Variants in TLK1 observed in about 807,000 individuals in gnomAD.
TLK1 encodes tousled like kinase 1, also known as serine/threonine-protein kinase tousled-like 1.
Under a neutral mutation model 105.3 loss-of-function variants are expected in TLK1, and 24 were observed. The ratio of observed to expected loss-of-function variants is 0.23; its 90% confidence interval spans 0.17 to 0.32. The LOEUF is 0.32. Ranked by LOEUF, TLK1 falls within the 10% of genes least tolerant of loss-of-function variation. The pLI, the probability that TLK1 is intolerant of heterozygous loss-of-function variation, is 1.00. For synonymous variants in TLK1, 321 were observed against 310.4 expected (o/e 1.03, Z -0.36); for missense variants, 558 against 910.5 (o/e 0.61, Z 4.98).
intron 1 of TLK1, among the ~76,000 whole-genome samples, chr2:171,221,808 G>A (rs1374783830): frequency 6.6e-6 from 1 of 152,138 alleles, no homozygotes; most frequent in African/African-American, 2.4e-5. Context: ...TGGGGTCTCT[G>A]TCTCTTTTTA....
intron 11 of TLK1, among the ~76,000 whole-genome samples, chr2:171,032,261 G>T (rs1402014654): frequency 6.6e-6 from 1 of 152,084 alleles, no homozygotes; most frequent in South Asian, 2.1e-4. Context: ...GTAAGGAAAA[G>T]AAATAAAATG....
chr2:171,066,163 A>C (rs976911595), intron 3 of TLK1, among the ~76,000 whole-genome samples: 1 of 152,220 alleles, frequency 6.6e-6, no homozygotes. Context: ...GTAAATATTT[A>C]CTTGAACCTT....
intron 5 of TLK1, among the ~76,000 whole-genome samples, chr2:171,057,174 A>G (rs531877638): frequency 3.5e-4 from 53 of 152,168 alleles, no homozygotes; most frequent in African/African-American, 1.3e-3. Context: ...CTTTTCTCCT[A>G]TTTCAAGTTC....
At chr2:171,041,560 A>C (rs57173242) in intron 11 of TLK1, among the ~76,000 whole-genome samples, 19,831 of 152,164 alleles carry the variant, frequency 0.13, 1,832 homozygotes, top group African/African-American at 0.26. Flanking sequence ...TTAGATTCTC[A>C]TAGAGCACAA....
chr2:171,185,904 G>C (rs980396110), intron 1 of TLK1, among the ~76,000 whole-genome samples: 14 of 152,158 alleles, frequency 9.2e-5, no homozygotes, highest in African/African-American at 3.4e-4. Flanking sequence ...AATAATGAAC[G>C]AAGTGGTATA....
intron 2 of TLK1, among the ~76,000 whole-genome samples, chr2:171,107,584 C>G (rs925068422): frequency 6.6e-6 from 1 of 152,094 alleles, no homozygotes; most frequent in Non-Finnish European, 1.5e-5. Context: ...AACCAGGAAT[C>G]CTTGGAGAAT....
At chr2:171,184,642 CAAAA>C (rs140562844) in intron 1 of TLK1, among the ~76,000 whole-genome samples, 2 of 52,254 alleles carry the variant, frequency 3.8e-5, no homozygotes, top group Non-Finnish European at 4.0e-5. Context: ...AACTCCGTCT[CAAAA>C]AAAAAAAAAA....
At chr2:171,037,800 A>G (rs141021051) in intron 11 of TLK1, among the ~76,000 whole-genome samples, 65 of 152,228 alleles carry the variant, frequency 4.3e-4, no homozygotes, top group Middle Eastern at 3.4e-3. Context: ...CACAAGTGAG[A>G]TTTGCCTGTA....
intron 1 of TLK1, chr2:171,159,867 AG>A (rs987628765): frequency 1.3e-5 from 2 of 158,672 alleles, no homozygotes; most frequent in East Asian, 1.8e-4. Context: ...GGAGAAGGGG[AG>A]GGGGCTCGAG....
At chr2:171,058,122 G>A in intron 5 of TLK1, 29 bp downstream of exon 5, 1 of 1,611,456 alleles carries the variant, frequency 6.2e-7, no homozygotes, top group South Asian at 1.1e-5. Flanking sequence ...ACTGAATTAG[G>A]AAATGGAGAC....
intron 2 of TLK1, among the ~76,000 whole-genome samples, chr2:171,085,253 A>G (rs1056598800): frequency 3.3e-5 from 5 of 151,984 alleles, no homozygotes; most frequent in African/African-American, 1.2e-4. Context: ...GCCAGGCGTG[A>G]TGGTGCACAC....
intron 3 of TLK1, among the ~76,000 whole-genome samples, chr2:171,077,312 C>G (rs1688555844): frequency 6.6e-6 from 1 of 152,216 alleles, no homozygotes; most frequent in Non-Finnish European, 1.5e-5. Context: ...CATTCCTCCT[C>G]CAGGAAAAGA....
At chr2:171,073,145 T>C (rs1688338583) in intron 3 of TLK1, among the ~76,000 whole-genome samples, 1 of 152,110 alleles carries the variant, frequency 6.6e-6, no homozygotes, top group Non-Finnish European at 1.5e-5. Flanking sequence ...AATATAAGAT[T>C]ATATAATCTG....
At chr2:171,080,272 G>A (rs1389357777) in intron 3 of TLK1, among the ~76,000 whole-genome samples, 1 of 150,938 alleles carries the variant, frequency 6.6e-6, no homozygotes, top group Non-Finnish European at 1.5e-5. Flanking sequence ...TTTAACAACT[G>A]TAGTAAATTG....
intron 2 of TLK1, among the ~76,000 whole-genome samples, chr2:171,104,582 ACT>A (rs1428923148): frequency 6.6e-6 from 1 of 152,094 alleles, no homozygotes; most frequent in Admixed American, 6.6e-5. Context: ...ACCACAGAAG[ACT>A]CTGAATAGCC....
At chr2:171,043,121 A>T (rs1207409037) in intron 11 of TLK1, among the ~76,000 whole-genome samples, 1 of 152,206 alleles carries the variant, frequency 6.6e-6, no homozygotes, top group Non-Finnish European at 1.5e-5. Flanking sequence ...AGAATGAGGG[A>T]AAGAGAAACA....
At chr2:171,099,241 T>G (rs146988240) in intron 2 of TLK1, among the ~76,000 whole-genome samples, 3 of 152,104 alleles carry the variant, frequency 2.0e-5, no homozygotes, top group East Asian at 3.9e-4. Flanking sequence ...AAAAACAAAT[T>G]AAGAAAACTT....
chr2:171,081,202 CT>C (rs1414519902), intron 3 of TLK1, among the ~76,000 whole-genome samples: 5 of 152,140 alleles, frequency 3.3e-5, no homozygotes, highest in Non-Finnish European at 5.9e-5. Flanking sequence ...AAGCTGAATT[CT>C]CTTATAGACT....
intron 3 of TLK1, among the ~76,000 whole-genome samples, chr2:171,069,451 G>A (rs1009886297): frequency 6.6e-6 from 1 of 152,100 alleles, no homozygotes; most frequent in Non-Finnish European, 1.5e-5. Context: ...CAGGAGAGAT[G>A]GTATTTGGCA....
Sources: gnomAD v4.1 joint callset for allele counts (sites outside exome capture counted in the v4.1 genomes callset) on GRCh38, gnomAD v4.1.1 for gene constraint, MANE v1.5 for transcripts, NCBI Gene and HGNC (gene_info 2026-07-23, HGNC 2026-07-21) for gene names.